RNLS: variants seen among roughly 807,000 people sequenced by gnomAD.
RNLS encodes the protein renalase, FAD dependent amine oxidase.
RNLS carries 39 observed loss-of-function variants against 39.8 expected under a neutral mutation model. The observed-to-expected ratio is 0.98, with a 90% CI of 0.76 to 1.28. The LOEUF (loss-of-function observed/expected upper bound fraction) is 1.28, where lower values mean the gene tolerates loss of function less well. Among genes scored for constraint, RNLS ranks in the 50% most tolerant of loss-of-function variants. The pLI, the probability that RNLS is intolerant of heterozygous loss-of-function variation, is 0.00. For missense variants in RNLS, 410 were observed against 413.3 expected (o/e 0.99, Z 0.07); for synonymous variants, 147 against 150.7 (o/e 0.98, Z 0.18).
intron 4 of RNLS, among the ~76,000 whole-genome samples, chr10:88,415,676 C>T (rs1853971745): frequency 6.6e-6 from 1 of 152,140 alleles, no homozygotes; most frequent in Non-Finnish European, 1.5e-5. Context: ...CATTGGGTTG[C>T]TGTTAGGATG....
intron 4 of RNLS, among the ~76,000 whole-genome samples, chr10:88,531,652 A>G (rs547407543): frequency 1.3e-4 from 20 of 152,180 alleles, no homozygotes; most frequent in African/African-American, 4.6e-4. Context: ...TAATTTTTAT[A>G]TAATGGCACA....
chr10:88,532,933 C>T (rs1847522992), intron 4 of RNLS, among the ~76,000 whole-genome samples: 1 of 151,932 alleles, frequency 6.6e-6, no homozygotes, highest in Non-Finnish European at 1.5e-5. Context: ...AGAAGGTGCT[C>T]TAGGTAAAAC....
At position 88,573,029 on chromosome 10, in the gene RNLS, G is replaced by T. The variant is rs748530935; in HGVS notation, c.400C>A (p.Gln134Lys). 3 of 1,613,878 alleles carry T rather than the reference G, an allele frequency of 1.9e-6. No individual in the cohort carries two copies. The highest frequency in any genetic ancestry group is 1.7e-5 in the Admixed American group (1 of 59,996). Residue 134 changes from glutamine to lysine, a missense_variant, in exon 4 of 7, where the codon CAG becomes AAG. Physicochemically the swap from Gln to Lys is moderately conservative, Grantham distance 53 (BLOSUM62 1). Coordinates refer to ENST00000331772, the MANE Select transcript of RNLS (RefSeq NM_001031709.3). The part of the protein sequence containing the change: ...AEVYFRHRVT[Q>K]INLRDDKWEV... ...CATTTGTCATCTCTTAGGTTGATCT[G>T]TGTCACACGATGTCTGAAGTAGACT...
chr10:88,290,091 G>T (rs1304731416), intron 6 of RNLS, among the ~76,000 whole-genome samples: 2 of 151,878 alleles, frequency 1.3e-5, no homozygotes, highest in Non-Finnish European at 2.9e-5. Flanking sequence ...TGAAAGGAAA[G>T]AGGTAGGCAG....
chr10:88,513,626 A>G (rs1358141944), intron 4 of RNLS, among the ~76,000 whole-genome samples: 1 of 152,168 alleles, frequency 6.6e-6, no homozygotes, highest in African/African-American at 2.4e-5. Context: ...AATGAATATT[A>G]TTAACTATTA....
At chr10:88,344,083 A>G (rs1416798035) in intron 5 of RNLS, among the ~76,000 whole-genome samples, 2 of 152,120 alleles carry the variant, frequency 1.3e-5, no homozygotes. Context: ...GTTAAGTGGT[A>G]TTATGATTGG....
rs115924031 is a variant in RNLS at position 88,536,653 on chromosome 10, C to T, written c.526+36250G>A. On this transcript the variant is annotated intron_variant, in intron 4 of 6. Coordinates refer to ENST00000331772, the MANE Select transcript of RNLS (RefSeq NM_001031709.3). ...TGCCGACTCCCAAATACACCACACA[C>T]GCTGTTATCTCAGAGCCCTGGCACT... 2.5e-3 allele frequency among the ~76,000 whole-genome samples: 386 copies of T among 152,256 alleles called. 1 individual carries two copies. The highest frequency in any genetic ancestry group is 8.8e-3 in the African/African-American group (365 of 41,546).
intron 4 of RNLS, among the ~76,000 whole-genome samples, chr10:88,487,117 C>G (rs1478722717): frequency 6.6e-6 from 1 of 152,126 alleles, no homozygotes; most frequent in Non-Finnish European, 1.5e-5. Context: ...AAACCAAATA[C>G]TGCATGTTCT....
intron 4 of RNLS, among the ~76,000 whole-genome samples, chr10:88,507,711 G>T (rs1845872768): frequency 6.6e-6 from 1 of 152,088 alleles, no homozygotes; most frequent in Non-Finnish European, 1.5e-5. Context: ...GATAGTTTTT[G>T]AAGTACTTTC....
chr10:88,400,969 T>A (rs1209142792), intron 4 of RNLS, among the ~76,000 whole-genome samples: 2 of 151,946 alleles, frequency 1.3e-5, no homozygotes, highest in Non-Finnish European at 2.9e-5. Flanking sequence ...TTATAATTTT[T>A]AAATAATATT....
At chr10:88,449,947 T>C (rs1842271777) in intron 4 of RNLS, among the ~76,000 whole-genome samples, 2 of 152,046 alleles carry the variant, frequency 1.3e-5, no homozygotes, top group African/African-American at 4.8e-5. Flanking sequence ...TGGCTTTGAG[T>C]TCCAAAATAT....
chr10:88,207,948 C>T, the RNLS span, among the ~76,000 whole-genome samples: 1 of 152,180 alleles, frequency 6.6e-6, no homozygotes, highest in African/African-American at 2.4e-5. Context: ...GCTCAGCCGC[C>T]TCATCACATA....
intron 4 of RNLS, among the ~76,000 whole-genome samples, chr10:88,531,738 AT>A (rs1177380489): frequency 2.6e-5 from 4 of 152,110 alleles, no homozygotes; most frequent in African/African-American, 9.7e-5. Flanking sequence ...GATAGTTTTT[AT>A]GGGTTTCCAG....
intron 5 of RNLS, among the ~76,000 whole-genome samples, chr10:88,327,966 T>C (rs1312632338): frequency 6.6e-6 from 1 of 152,218 alleles, no homozygotes; most frequent in Non-Finnish European, 1.5e-5. Flanking sequence ...TAGAGTGCAG[T>C]GGCACAATCT....
chr10:88,193,800 C>T, the RNLS span, among the ~76,000 whole-genome samples: 2 of 152,100 alleles, frequency 1.3e-5, no homozygotes, highest in African/African-American at 4.8e-5. Context: ...CTGTTTTTAT[C>T]TATGTCCCTG....
At chr10:88,581,294 G>GTGTATA (rs1376395535) in intron 3 of RNLS, among the ~76,000 whole-genome samples, 103 of 129,856 alleles carry the variant, frequency 7.9e-4, no homozygotes, top group East Asian at 7.1e-3. Flanking sequence ...GTGTGTGTGT[G>GTGTATA]TATATATATA....
the RNLS span, among the ~76,000 whole-genome samples, chr10:88,199,791 G>A: frequency 9.2e-5 from 14 of 152,134 alleles, 1 homozygote; most frequent in South Asian, 4.1e-4. Context: ...CCAAAAAAGC[G>A]TTCAAGCCAG....
chr10:88,274,780 G>C (rs1842751706), exon 7 of RNLS: 1 of 464,988 alleles, frequency 2.2e-6, no homozygotes, highest in African/African-American at 2.0e-5. Flanking sequence ...ATTTTCCATA[G>C]TAGCTACATC....
At chr10:88,360,232 C>T (rs1253022878) in intron 5 of RNLS, among the ~76,000 whole-genome samples, 1 of 152,132 alleles carries the variant, frequency 6.6e-6, no homozygotes, top group Non-Finnish European at 1.5e-5. Context: ...ATTCAGGTAG[C>T]ACTCCTCATA....
Sources: gnomAD v4.1 joint callset for allele counts (sites outside exome capture counted in the v4.1 genomes callset) on GRCh38, gnomAD v4.1.1 for gene constraint, MANE v1.5 for transcripts, NCBI Gene and HGNC (gene_info 2026-07-23, HGNC 2026-07-21) for gene names.